Variants in CDKAL1 observed in about 807,000 individuals in gnomAD.
The protein encoded by CDKAL1 is threonylcarbamoyladenosine tRNA methylthiotransferase.
In CDKAL1, 32 loss-of-function variants were observed where a neutral mutation model predicts 68.2. The observed-to-expected ratio is 0.47, with a 90% CI of 0.35 to 0.63. The LOEUF is 0.63. Ranked by LOEUF, CDKAL1 falls within the 30% of genes least tolerant of loss-of-function variation. The probability of loss-of-function intolerance (pLI) is 0.00; values close to 1 mark genes in which losing one functional copy is unlikely to be tolerated. For synonymous variants in CDKAL1, 234 were observed against 244.3 expected, an observed-to-expected ratio of 0.96 and a Z score of 0.39; for missense variants, 606 against 696.7, an observed-to-expected ratio of 0.87 and a Z score of 1.47.
intron 2 of CDKAL1, among the ~76,000 whole-genome samples, chr6:20,541,158 A>G (rs1187027583): frequency 6.6e-6 from 1 of 152,142 alleles, no homozygotes; most frequent in Non-Finnish European, 1.5e-5. Flanking sequence ...CCAGATAGGT[A>G]GTAAATAATT....
chr6:20,595,044 T>C (rs2127705204), intron 4 of CDKAL1, among the ~76,000 whole-genome samples: 1 of 152,354 alleles, frequency 6.6e-6, no homozygotes, highest in Non-Finnish European at 1.5e-5. Context: ...AAATCCACTG[T>C]TAGTCTGATG....
intron 4 of CDKAL1, among the ~76,000 whole-genome samples, chr6:20,603,281 T>C (rs1232942937): frequency 1.3e-5 from 2 of 152,170 alleles, no homozygotes. Flanking sequence ...CAGGTGACCA[T>C]GTGGCTGAGT....
At chr6:20,973,434 G>T (rs1295297691) in intron 10 of CDKAL1, among the ~76,000 whole-genome samples, 4 of 152,140 alleles carry the variant, frequency 2.6e-5, no homozygotes, top group African/African-American at 9.7e-5. Flanking sequence ...GAGTGAAGTA[G>T]GACCCATGGG....
At chr6:21,146,811 A>G (rs1382455120) in intron 13 of CDKAL1, among the ~76,000 whole-genome samples, 1 of 145,658 alleles carries the variant, frequency 6.9e-6, no homozygotes, top group East Asian at 2.0e-4. Context: ...AGATCTCGCC[A>G]CTGCACTCCA....
intron 9 of CDKAL1, among the ~76,000 whole-genome samples, chr6:20,860,576 G>A (rs1009088507): frequency 1.3e-5 from 2 of 152,122 alleles, no homozygotes; most frequent in South Asian, 2.1e-4. Flanking sequence ...TGTAATCACA[G>A]CCCTTTGGGA....
chr6:20,579,394 T>C (rs1163556061), intron 4 of CDKAL1, among the ~76,000 whole-genome samples: 1 of 152,216 alleles, frequency 6.6e-6, no homozygotes, highest in Non-Finnish European at 1.5e-5. Context: ...CTCTCAAAGA[T>C]GCTTGTAATC....
At chr6:21,001,731 T>C (rs1342260239) in intron 11 of CDKAL1, among the ~76,000 whole-genome samples, 1 of 152,258 alleles carries the variant, frequency 6.6e-6, no homozygotes, top group African/African-American at 2.4e-5. Flanking sequence ...TCTTCTATTA[T>C]TGCAGGCAAA....
intron 11 of CDKAL1, among the ~76,000 whole-genome samples, chr6:21,036,128 G>A (rs573692513): frequency 3.3e-5 from 5 of 152,264 alleles, no homozygotes; most frequent in African/African-American, 1.2e-4. Flanking sequence ...TGACAGCATG[G>A]TAACTGCATA....
At chr6:21,218,712 GAGCA>G (rs764537843) in intron 15 of CDKAL1, among the ~76,000 whole-genome samples, 2 of 152,140 alleles carry the variant, frequency 1.3e-5, no homozygotes, top group African/African-American at 2.4e-5. Flanking sequence ...GCTTCCCTCA[GAGCA>G]AGCAAGCAAG....
At chr6:20,666,475 C>A (rs1769548601) in intron 5 of CDKAL1, among the ~76,000 whole-genome samples, 1 of 151,978 alleles carries the variant, frequency 6.6e-6, no homozygotes, top group Admixed American at 6.6e-5. Flanking sequence ...ACATGAAATA[C>A]CTGTTTGCTA....
chr6:20,849,260 A>T (rs1162501008), intron 9 of CDKAL1, among the ~76,000 whole-genome samples: 1 of 152,194 alleles, frequency 6.6e-6, no homozygotes, highest in Non-Finnish European at 1.5e-5. Context: ...ATTTGAGATA[A>T]CATGTATAAA....
chr6:21,106,676 A>G (rs776592758), intron 12 of CDKAL1, among the ~76,000 whole-genome samples: 6 of 152,216 alleles, frequency 3.9e-5, no homozygotes, highest in Non-Finnish European at 8.8e-5. Context: ...ATTCTAAGCA[A>G]TCTGGAGATG....
At chr6:20,992,638 C>T (rs1042895695) in intron 10 of CDKAL1, among the ~76,000 whole-genome samples, 5 of 152,062 alleles carry the variant, frequency 3.3e-5, no homozygotes, top group African/African-American at 1.2e-4. Context: ...TTGCTGATAT[C>T]TGTAATACCA....
chr6:20,597,174 G>A (rs1765866922), intron 4 of CDKAL1, among the ~76,000 whole-genome samples: 1 of 152,058 alleles, frequency 6.6e-6, no homozygotes, highest in African/African-American at 2.4e-5. Context: ...TGTCGCCCAG[G>A]CTGGAGTGCA....
At chr6:20,551,398 C>T (rs1268458535) in intron 4 of CDKAL1, among the ~76,000 whole-genome samples, 1 of 145,974 alleles carries the variant, frequency 6.9e-6, no homozygotes, top group Admixed American at 6.8e-5. Flanking sequence ...GACGGAGTCT[C>T]GCTCTGTCAC....
intron 5 of CDKAL1, among the ~76,000 whole-genome samples, chr6:20,677,372 A>G (rs1171541089): frequency 6.6e-6 from 1 of 151,344 alleles, no homozygotes; most frequent in Non-Finnish European, 1.5e-5. Flanking sequence ...GCCTGGCTAA[A>G]TTTGTTTTGT....
chr6:21,019,204 C>G (rs1768500963), intron 11 of CDKAL1, among the ~76,000 whole-genome samples: 1 of 152,186 alleles, frequency 6.6e-6, no homozygotes, highest in Admixed American at 6.5e-5. Context: ...CCACCTTGGC[C>G]TCCCAAAGTG....
At chr6:20,791,203 T>C (rs1775884708) in intron 8 of CDKAL1, among the ~76,000 whole-genome samples, 1 of 152,218 alleles carries the variant, frequency 6.6e-6, no homozygotes, top group Non-Finnish European at 1.5e-5. Context: ...TTTCCTCATT[T>C]ATAAAGTGAT....
chr6:21,143,974 A>G (rs1776044275), intron 13 of CDKAL1, among the ~76,000 whole-genome samples: 1 of 146,912 alleles, frequency 6.8e-6, no homozygotes. Flanking sequence ...ATTTATGGCT[A>G]AGGGAAGAGA....
Sources: gnomAD v4.1 joint callset for allele counts (sites outside exome capture counted in the v4.1 genomes callset) on GRCh38, gnomAD v4.1.1 for gene constraint, MANE v1.5 for transcripts, NCBI Gene and HGNC (gene_info 2026-07-23, HGNC 2026-07-21) for gene names.